TENM2: variants seen among roughly 807,000 people sequenced by gnomAD.
TENM2 encodes the protein teneurin-2.
Under a neutral mutation model 245.2 loss-of-function variants are expected in TENM2, and 52 were observed. The ratio of observed to expected loss-of-function variants is 0.21; its 90% CI spans 0.17 to 0.27. The LOEUF (loss-of-function observed/expected upper bound fraction) is 0.27, where lower values mean the gene tolerates loss of function less well. Ranked by LOEUF, TENM2 falls within the 10% of genes least tolerant of loss-of-function variation. The probability of loss-of-function intolerance (pLI) is 1.00; values close to 1 mark genes in which losing one functional copy is unlikely to be tolerated. For synonymous variants in TENM2, 1,363 were observed against 1,438.9 expected, an observed-to-expected ratio of 0.95 and a Z score of 1.19; for missense variants, 3,046 against 3,666.8, an observed-to-expected ratio of 0.83 and a Z score of 4.37.
chr5:168,055,400 G>A (rs1252953402), intron 6 of TENM2, among the ~76,000 whole-genome samples: 1 of 152,188 alleles, frequency 6.6e-6, no homozygotes, highest in African/African-American at 2.4e-5. Flanking sequence ...GCACAGAGTT[G>A]CCCATGTGAG....
exon 27 of TENM2, chr5:168,248,370 A>G: frequency 6.2e-7 from 1 of 1,609,566 alleles, no homozygotes; most frequent in Non-Finnish European, 8.5e-7. Flanking sequence ...ACTACGTGAC[A>G]GGTGAGGATT....
At chr5:167,910,446 C>G (rs1378816495) in intron 3 of TENM2, among the ~76,000 whole-genome samples, 2 of 152,168 alleles carry the variant, frequency 1.3e-5, no homozygotes, top group African/African-American at 4.8e-5. Context: ...CTCTTTCCCT[C>G]CATCACAAGC....
chr5:167,258,245 A>G, the TENM2 span, among the ~76,000 whole-genome samples: 11 of 147,052 alleles, frequency 7.5e-5, no homozygotes, highest in East Asian at 2.0e-4. Context: ...ATATATATGT[A>G]TATATATATA....
At chr5:167,319,965 G>A (rs1756611895) in intron 1 of TENM2, among the ~76,000 whole-genome samples, 1 of 152,088 alleles carries the variant, frequency 6.6e-6, no homozygotes, top group African/African-American at 2.4e-5. Flanking sequence ...TGTATGTCAG[G>A]CACTCTACTA....
chr5:167,886,418 C>A (rs918488016), intron 3 of TENM2, among the ~76,000 whole-genome samples: 1 of 152,092 alleles, frequency 6.6e-6, no homozygotes, highest in Non-Finnish European at 1.5e-5. Flanking sequence ...AATGACTTAG[C>A]TATTAAATCA....
intron 2 of TENM2, among the ~76,000 whole-genome samples, chr5:167,477,264 TA>T (rs10545252): frequency 0.6 from 84,721 of 140,286 alleles, 26,368 homozygotes; most frequent in Non-Finnish European, 0.71. Context: ...TGAATAATAG[TA>T]AAAAAAAAAA....
intron 2 of TENM2, among the ~76,000 whole-genome samples, chr5:167,833,800 AG>A (rs1459610408): frequency 2.0e-5 from 3 of 152,192 alleles, no homozygotes; most frequent in African/African-American, 7.2e-5. Flanking sequence ...AACAGAGTAA[AG>A]AAGGTTCTCT....
chr5:167,570,488 TG>T (rs1348548100), intron 2 of TENM2, among the ~76,000 whole-genome samples: 1 of 152,174 alleles, frequency 6.6e-6, no homozygotes, highest in Non-Finnish European at 1.5e-5. Flanking sequence ...GAAAAGTATT[TG>T]TTTGCCAAAC....
chr5:167,327,827 G>A (rs1757178508), intron 1 of TENM2, among the ~76,000 whole-genome samples: 1 of 152,192 alleles, frequency 6.6e-6, no homozygotes, highest in African/African-American at 2.4e-5. Flanking sequence ...GAAGTTATAA[G>A]TCAGTATGTA....
chr5:168,005,093 G>T (rs1483579847), intron 5 of TENM2, among the ~76,000 whole-genome samples: 1 of 152,116 alleles, frequency 6.6e-6, no homozygotes, highest in Non-Finnish European at 1.5e-5. Flanking sequence ...GCATGGTGTT[G>T]TATTCTTTTC....
chr5:167,176,566 T>C, the TENM2 span, among the ~76,000 whole-genome samples: 1 of 152,238 alleles, frequency 6.6e-6, no homozygotes, highest in Admixed American at 6.5e-5. Flanking sequence ...GATCCTATGC[T>C]TCCAAGTAAA....
At chr5:168,239,199 A>T (rs1202554532) in intron 25 of TENM2, among the ~76,000 whole-genome samples, 3 of 152,180 alleles carry the variant, frequency 2.0e-5, no homozygotes, top group Non-Finnish European at 4.4e-5. Context: ...CCCCCTTTAT[A>T]AATGGCACCC....
intron 2 of TENM2, among the ~76,000 whole-genome samples, chr5:167,508,894 A>G (rs551881996): frequency 6.6e-6 from 1 of 152,156 alleles, no homozygotes; most frequent in Non-Finnish European, 1.5e-5. Flanking sequence ...ATCACAGCTC[A>G]CTGCAACCTC....
chr5:167,255,787 G>A, the TENM2 span, among the ~76,000 whole-genome samples: 1 of 152,092 alleles, frequency 6.6e-6, no homozygotes, highest in African/African-American at 2.4e-5. Flanking sequence ...TGGAACAGTA[G>A]CTTTTGCAGT....
chr5:167,437,639 G>A (rs931575974), intron 2 of TENM2, among the ~76,000 whole-genome samples: 5 of 152,110 alleles, frequency 3.3e-5, no homozygotes, highest in African/African-American at 1.2e-4. Flanking sequence ...ATATGGAATT[G>A]TAACTCCCAC....
intron 3 of TENM2, among the ~76,000 whole-genome samples, chr5:167,927,693 A>G (rs1777868638): frequency 1.3e-5 from 2 of 152,172 alleles, no homozygotes; most frequent in Non-Finnish European, 2.9e-5. Flanking sequence ...TAAATCCCCT[A>G]GGAAGGCTGC....
the TENM2 span, among the ~76,000 whole-genome samples, chr5:167,089,880 G>C: frequency 6.6e-6 from 1 of 152,132 alleles, no homozygotes; most frequent in Non-Finnish European, 1.5e-5. Context: ...TAGGAGCTCA[G>C]CGAGGAAGGG....
At chr5:167,313,273 C>T (rs1389206672) in intron 1 of TENM2, among the ~76,000 whole-genome samples, 1 of 152,048 alleles carries the variant, frequency 6.6e-6, no homozygotes, top group South Asian at 2.1e-4. Flanking sequence ...TGCAAGAATT[C>T]CAGGGGTGTA....
the TENM2 span, among the ~76,000 whole-genome samples, chr5:167,029,181 T>C: frequency 6.6e-6 from 1 of 152,218 alleles, no homozygotes; most frequent in Non-Finnish European, 1.5e-5. Flanking sequence ...AATCATAGGA[T>C]TCATTTCCTG....
Sources: allele counts gnomAD v4.1 joint callset (sites outside exome capture counted in the v4.1 genomes callset), GRCh38; gene constraint gnomAD v4.1.1; transcripts MANE v1.5; gene names NCBI Gene and HGNC (gene_info 2026-07-23, HGNC 2026-07-21).